Variants in DNAH8 observed in about 807,000 individuals in gnomAD.
DNAH8 encodes the protein dynein axonemal heavy chain 8, also known as axonemal beta dynein heavy chain 8.
In DNAH8, 382 loss-of-function variants were observed where a neutral mutation model predicts 562.1. The observed-to-expected ratio is 0.68, with a 90% confidence interval of 0.63 to 0.74. The LOEUF is 0.74. DNAH8 is among the 30% of genes least tolerant of loss of function. The pLI, the probability that DNAH8 is intolerant of heterozygous loss-of-function variation, is 0.00. For synonymous variants in DNAH8, 1,881 were observed against 1,919.4 expected, an observed-to-expected ratio of 0.98 and a Z score of 0.52; for missense variants, 5,203 against 5,620.4, an observed-to-expected ratio of 0.93 and a Z score of 2.37.
chr6:38,896,598 C>CAAAA (rs1177942196), intron 60 of DNAH8, among the ~76,000 whole-genome samples: 1 of 143,158 alleles, frequency 7.0e-6, no homozygotes, highest in Non-Finnish European at 1.6e-5. Flanking sequence ...AACAAACAAA[C>CAAAA]AAACAAACAA....
At chr6:38,757,735 C>T (rs1400945529) in intron 10 of DNAH8, among the ~76,000 whole-genome samples, 1 of 152,228 alleles carries the variant, frequency 6.6e-6, no homozygotes, top group Non-Finnish European at 1.5e-5. Flanking sequence ...CAGCTTTCTA[C>T]ATATGGCTAG....
At chr6:38,845,917 C>G (rs1481844714) in intron 36 of DNAH8, 144 bp downstream of exon 36, 4 of 663,020 alleles carry the variant, frequency 6.0e-6, no homozygotes, top group Non-Finnish European at 1.0e-5. Flanking sequence ...TACAAACTGC[C>G]CGTTTTCCCT....
intron 28 of DNAH8, among the ~76,000 whole-genome samples, chr6:38,824,953 G>A (rs1773184439): frequency 6.6e-6 from 1 of 152,054 alleles, no homozygotes; most frequent in East Asian, 1.9e-4. Context: ...GTAGCGTTTT[G>A]GAAACTGTAT....
rs867794988 is a variant in DNAH8 at position 38,741,759 on chromosome 6, C to A, written c.1165C>A (p.Pro389Thr). The A allele has an allele frequency of 9.9e-6, 16 of 1,613,870 alleles. No individual in the cohort carries two copies. Among genetic ancestry groups the A allele is most frequent in the Non-Finnish European group, 1.4e-5 (16 of 1,179,874 alleles). The change falls in exon 8 of 93, where the codon CCA (proline) becomes ACA (threonine). Residue 389 changes from proline (P) to threonine (T), a missense_variant. Transcript: ENST00000327475. Reference sequence around the variant, plus strand: ...GAGAAAAGAAGCTGGTGATTCAGGTCCACTCACTGAATTGGAACACTGGAA... The same window carrying A: ...GAGAAAAGAAGCTGGTGATTCAGGTACACTCACTGAATTGGAACACTGGAA... ...QMRKEAGDSG[P>T]LTELEHWKRM...
In DNAH8 at chr6:38,984,297, G is replaced by C. The variant is rs1199396862; in HGVS notation, c.13043G>C (p.Cys4348Ser). The C allele has an allele frequency of 6.3e-7, 1 of 1,596,390 alleles. No homozygotes were observed. Among genetic ancestry groups the C allele is most frequent in the African/African-American group, 1.3e-5 (1 of 74,526 alleles). Residue 4348 changes from cysteine to serine, a missense_variant, in exon 87 of 93, where the codon TGC becomes TCC. Coordinates refer to ENST00000327475, the MANE Select transcript of DNAH8 (RefSeq NM_001206927.2). ...GACTTTGACAAACGTCTACTTAATTGCTTTGCCAGAGTAAGTCAATTTAGA... is the reference window on the plus strand; with the variant it reads ...GACTTTGACAAACGTCTACTTAATTCCTTTGCCAGAGTAAGTCAATTTAGA... ...TDDFDKRLLNCFARVWFSEKM... is the reference protein window; with the variant it reads ...TDDFDKRLLNSFARVWFSEKM...
At chr6:38,728,794 G>T (rs558789757) in intron 3 of DNAH8, among the ~76,000 whole-genome samples, 6 of 152,268 alleles carry the variant, frequency 3.9e-5, no homozygotes, top group Non-Finnish European at 7.4e-5. Flanking sequence ...AAATCATTTT[G>T]TGTTTTTAAA....
rs1394978426 is a variant in DNAH8, at chr6:38,845,795, G to A, written c.5045+22G>A. The A allele has an allele frequency of 1.9e-6, 3 of 1,583,104 alleles. No homozygotes were observed. The Admixed American group carries it at 5.0e-5, about 26-fold the overall frequency. The stretch of plus-strand genomic sequence containing the variant: ...ACAGGTAATTTTATAATTTGAGAGA[G>A]AGATTTAAATGGGATATTTAGGGTT... On this transcript the variant is annotated intron_variant, in intron 36 of 92. Transcript: ENST00000327475.
chr6:38,898,143 C>T (rs748637131), intron 60 of DNAH8, 115 bp from the exon 61 acceptor site: 43 of 938,090 alleles, frequency 4.6e-5, no homozygotes, highest in Non-Finnish European at 6.4e-5. Flanking sequence ...AAATCCATAA[C>T]GTTTAAAAAA....
intron 3 of DNAH8, among the ~76,000 whole-genome samples, chr6:38,729,300 G>A (rs73416374): frequency 0.016 from 2,376 of 152,272 alleles, 54 homozygotes; most frequent in African/African-American, 0.051. Flanking sequence ...AGGTGAATGG[G>A]TATATGACTT....
rs139485149 is a variant in DNAH8 at position 38,772,696 on chromosome 6, T to A, written c.1764+2137T>A. ...GTGTCCTTTGAAGTACGATAGTTTTTAATTTTAATGAAGTTCAATTTATCA... is the reference window on the plus strand; with the variant it reads ...GTGTCCTTTGAAGTACGATAGTTTTAAATTTTAATGAAGTTCAATTTATCA... On this transcript the variant is annotated intron_variant, in intron 12 of 92. Coordinates refer to ENST00000327475, the MANE Select transcript of DNAH8 (RefSeq NM_001206927.2). Among the ~76,000 whole-genome samples the A allele has an allele frequency of 1.8e-3, 281 of 152,296 alleles. 9 individuals are homozygous for A. In the East Asian group the frequency reaches 0.051, roughly 27 times the overall value.
intron 82 of DNAH8, 121 bp downstream of exon 82, chr6:38,951,641 T>A: frequency 2.4e-6 from 2 of 848,048 alleles, no homozygotes; most frequent in Non-Finnish European, 3.8e-6. Flanking sequence ...CGAAAAATAT[T>A]AAACTTATTC....
intron 88 of DNAH8, among the ~76,000 whole-genome samples, chr6:39,003,260 GA>G (rs1765597467): frequency 6.6e-6 from 1 of 152,210 alleles, no homozygotes; most frequent in Non-Finnish European, 1.5e-5. Flanking sequence ...AGAAAAGGCA[GA>G]AGGGGGCGCT....
intron 10 of DNAH8, among the ~76,000 whole-genome samples, chr6:38,759,473 T>C (rs1484633452): frequency 2.0e-5 from 3 of 152,242 alleles, no homozygotes; most frequent in Admixed American, 6.5e-5. Context: ...CACTATGTCC[T>C]AAATACGACA....
intron 4 of DNAH8, among the ~76,000 whole-genome samples, chr6:38,732,914 G>T (rs1763767127): frequency 6.6e-6 from 1 of 151,576 alleles, no homozygotes; most frequent in Non-Finnish European, 1.5e-5. Flanking sequence ...TTTTGAGATG[G>T]GTCTCACTAG....
Position 38,845,728 on chromosome 6 carries a change from T to A in DNAH8, c.5000T>A (p.Leu1667Ter), listed in dbSNP as rs1378332390. 6.2e-7 allele frequency: 1 copy of A among 1,613,994 alleles called. No homozygotes were observed. Among genetic ancestry groups the A allele is most frequent in the Non-Finnish European group, 8.5e-7 (1 of 1,179,898 alleles). ...ACCGAATCGGGAGAAATTATCACTT[T>A]GATGGAGGATAGTTTAATGGTCTTA... ...KGTESGEIIT[L>*]MEDSLMVLGS... is the part of the protein sequence containing the mutation. The change falls in exon 36 of 93, where the codon TTG (leucine) becomes TAG (stop). Residue 1667 changes from leucine to a stop codon, truncating the protein, a stop_gained. Coordinates refer to ENST00000327475, the MANE Select transcript of DNAH8 (RefSeq NM_001206927.2). LOFTEE classifies it high-confidence loss of function.
intron 87 of DNAH8, among the ~76,000 whole-genome samples, chr6:38,985,598 C>T (rs1210858448): frequency 6.6e-6 from 1 of 152,174 alleles, no homozygotes; most frequent in East Asian, 1.9e-4. Context: ...CAAATGGACA[C>T]AGACCTCCTG....
chr6:38,723,619 A>T, intron 3 of DNAH8, 148 bp downstream of exon 3: 3 of 1,000,464 alleles, frequency 3.0e-6, no homozygotes, highest in East Asian at 2.5e-5. Context: ...TCATGCCTGT[A>T]ATCCCAGCAC....
At chr6:38,801,604 C>T (rs929626412) in intron 21 of DNAH8, among the ~76,000 whole-genome samples, 2 of 152,218 alleles carry the variant, frequency 1.3e-5, no homozygotes, top group Admixed American at 6.5e-5. Flanking sequence ...ACTGAAGTGG[C>T]TTCCAGCCTC....
intron 82 of DNAH8, among the ~76,000 whole-genome samples, chr6:38,969,063 T>C (rs553883279): frequency 2.0e-5 from 3 of 152,230 alleles, no homozygotes; most frequent in African/African-American, 7.2e-5. Context: ...TTTAATGAAA[T>C]GTCTGGAATA....
Sources: gnomAD v4.1 joint callset for allele counts (sites outside exome capture counted in the v4.1 genomes callset) on GRCh38, gnomAD v4.1.1 for gene constraint, MANE v1.5 for transcripts, NCBI Gene and HGNC (gene_info 2026-07-23, HGNC 2026-07-21) for gene names.